The following TDRP variants were observed in gnomAD, a reference collection of about 807,000 sequenced individuals.
The protein encoded by TDRP is testis development related protein, also known as testis development-related protein.
In TDRP, 12 loss-of-function variants were observed where a neutral mutation model predicts 10.5. The observed-to-expected ratio is 1.15, with a 90% CI of 0.73 to 1.86. TDRP has a LOEUF of 1.86. TDRP is among the 40% of genes most tolerant of loss of function. The probability of loss-of-function intolerance (pLI) is 0.00; values close to 1 mark genes in which losing one functional copy is unlikely to be tolerated. For synonymous variants in TDRP, 139 were observed against 95.4 expected, an observed-to-expected ratio of 1.46 and a Z score of -2.67; for missense variants, 353 against 229.2, an observed-to-expected ratio of 1.54 and a Z score of -3.49.
At chr8:537,826 C>G (rs1252836734) in intron 1 of TDRP, among the ~76,000 whole-genome samples, 1 of 152,138 alleles carries the variant, frequency 6.6e-6, no homozygotes, top group African/African-American at 2.4e-5. Flanking sequence ...ATAAATTTAG[C>G]AATTTTATCT....
At chr8:498,013 G>A (rs1275854405) in intron 1 of TDRP, among the ~76,000 whole-genome samples, 1 of 152,146 alleles carries the variant, frequency 6.6e-6, no homozygotes, top group Non-Finnish European at 1.5e-5. Flanking sequence ...TATGGAAATG[G>A]CTGGACATCC....
At chr8:529,571 T>C (rs917317425) in intron 1 of TDRP, among the ~76,000 whole-genome samples, 6 of 77,366 alleles carry the variant, frequency 7.8e-5, no homozygotes, top group South Asian at 7.7e-4. Flanking sequence ...GTGAACTTCT[T>C]TGGCTTTGGT....
At chr8:496,299 C>G (rs1022957006) in intron 1 of TDRP, among the ~76,000 whole-genome samples, 1 of 152,314 alleles carries the variant, frequency 6.6e-6, no homozygotes, top group African/African-American at 2.4e-5. Context: ...CATGACAGAG[C>G]ATGTGGCAGG....
intron 1 of TDRP, among the ~76,000 whole-genome samples, chr8:500,331 G>C (rs1563117567): frequency 6.6e-6 from 1 of 152,184 alleles, no homozygotes; most frequent in East Asian, 1.9e-4. Flanking sequence ...TGTGCAGAGA[G>C]GCCAGGACCT....
intron 1 of TDRP, among the ~76,000 whole-genome samples, chr8:512,247 C>G (rs1801638599): frequency 6.7e-6 from 1 of 150,330 alleles, no homozygotes; most frequent in African/African-American, 2.5e-5. Context: ...CACAGTGAAA[C>G]CCCTTCTCTA....
chr8:523,940 G>T (rs552859678), intron 1 of TDRP, among the ~76,000 whole-genome samples: 1 of 152,184 alleles, frequency 6.6e-6, no homozygotes, highest in Non-Finnish European at 1.5e-5. Flanking sequence ...GAGCCCTAGG[G>T]CCTTTAGCGA....
At chr8:507,996 C>A (rs150731780) in intron 1 of TDRP, among the ~76,000 whole-genome samples, 157 of 152,266 alleles carry the variant, frequency 1.0e-3, no homozygotes, top group African/African-American at 3.7e-3. Context: ...AAGACCCATA[C>A]ATCAGAAAAC....
At chr8:511,480 G>A (rs1193885731) in intron 1 of TDRP, among the ~76,000 whole-genome samples, 1 of 152,082 alleles carries the variant, frequency 6.6e-6, no homozygotes, top group African/African-American at 2.4e-5. Context: ...AACAAAAATG[G>A]ACAGACATAA....
At chr8:531,341 G>A (rs1331087765) in intron 1 of TDRP, among the ~76,000 whole-genome samples, 1 of 152,174 alleles carries the variant, frequency 6.6e-6, no homozygotes, top group African/African-American at 2.4e-5. Flanking sequence ...CTCCACCATT[G>A]TGCTGACATC....
intron 1 of TDRP, among the ~76,000 whole-genome samples, chr8:513,545 C>A (rs1403817575): frequency 6.6e-6 from 1 of 152,208 alleles, no homozygotes; most frequent in Non-Finnish European, 1.5e-5. Context: ...TCAGCTAACA[C>A]AACATACTAA....
At chr8:526,690 T>C (rs1247782084) in intron 1 of TDRP, among the ~76,000 whole-genome samples, 1 of 152,230 alleles carries the variant, frequency 6.6e-6, no homozygotes, top group East Asian at 1.9e-4. Context: ...TCTGGTTTTA[T>C]ATGAGGGCAA....
chr8:542,962 G>C (rs150415595), intron 1 of TDRP, among the ~76,000 whole-genome samples: 2 of 151,270 alleles, frequency 1.3e-5, no homozygotes, highest in Non-Finnish European at 2.9e-5. Flanking sequence ...TGGAGGATAC[G>C]AGGAAGAATC....
chr8:529,863 C>A (rs1212327970), intron 1 of TDRP, among the ~76,000 whole-genome samples: 1 of 152,122 alleles, frequency 6.6e-6, no homozygotes. Context: ...TTTACCCTTT[C>A]TTTGGTTTCT....
chr8:531,071 G>T (rs1203995352), intron 1 of TDRP, among the ~76,000 whole-genome samples: 1 of 152,130 alleles, frequency 6.6e-6, no homozygotes, highest in African/African-American at 2.4e-5. Flanking sequence ...TCAGAATGGT[G>T]GACTTCCTTT....
At chr8:540,228 G>A (rs770759592) in intron 1 of TDRP, among the ~76,000 whole-genome samples, 1 of 152,126 alleles carries the variant, frequency 6.6e-6, no homozygotes, top group Non-Finnish European at 1.5e-5. Context: ...AATAAATTTT[G>A]TCACAGAAAT....
At chr8:498,723 G>C (rs1361068603) in intron 1 of TDRP, among the ~76,000 whole-genome samples, 5 of 152,156 alleles carry the variant, frequency 3.3e-5, no homozygotes, top group Admixed American at 6.5e-5. Context: ...GTTTGTCTCT[G>C]TGTCCCCACC....
At chr8:513,612 T>C (rs771837704) in intron 1 of TDRP, among the ~76,000 whole-genome samples, 1 of 152,240 alleles carries the variant, frequency 6.6e-6, no homozygotes, top group Non-Finnish European at 1.5e-5. Context: ...AGGAAGCCTA[T>C]TCTTGCCTCT....
At chr8:498,117 G>C (rs1191838746) in intron 1 of TDRP, among the ~76,000 whole-genome samples, 5 of 152,172 alleles carry the variant, frequency 3.3e-5, no homozygotes, top group Non-Finnish European at 5.9e-5. Flanking sequence ...CCCACACCAA[G>C]TCCCCACTGG....
In TDRP at chr8:491,958, C is replaced by T; in HGVS notation, c.*441G>A. The stretch of plus-strand genomic sequence containing the variant: ...ACATAACTTTGGAAGATTCATCTTA[C>T]CTCCTGACTAATTTTCTAGCAAAAG... On this transcript the variant is annotated 3_prime_UTR_variant, in exon 3 of 3. Transcript: ENST00000324079. 2 of 1,116,168 alleles carry T rather than the reference C, an allele frequency of 1.8e-6. No individual in the cohort carries two copies. Among genetic ancestry groups the T allele is most frequent in the Non-Finnish European group, 2.2e-6 (2 of 915,798 alleles). The allele number at this position is 1,116,168 out of a possible 1,614,324, so 69.1% of individuals were successfully genotyped here.
Sources: allele counts gnomAD v4.1 joint callset (sites outside exome capture counted in the v4.1 genomes callset), GRCh38; gene constraint gnomAD v4.1.1; transcripts MANE v1.5; gene names NCBI Gene and HGNC (gene_info 2026-07-23, HGNC 2026-07-21).